The following PCDHB2 variants were observed in gnomAD, a reference collection of about 807,000 sequenced individuals.
The protein encoded by PCDHB2 is protocadherin beta-2.
For missense variants in PCDHB2, 914 were observed against 1,023.1 expected, an observed-to-expected ratio of 0.89 and a Z score of 1.45; for synonymous variants, 395 against 464.9, an observed-to-expected ratio of 0.85 and a Z score of 1.93.
In PCDHB2 at chr5:141,094,983, G is replaced by A. The variant is rs782263849; in HGVS notation, c.193G>A (p.Gly65Arg). The change falls in exon 1 of 1, where the codon GGG becomes AGG. Residue 65 changes from glycine (G) to arginine (R), a missense_variant. Coordinates refer to ENST00000194155, the MANE Select transcript of PCDHB2 (RefSeq NM_018936.4). ...GGAGATAGGAGAACTTGCTGTGAGG[G>A]GGGCCAGGGTCGTTTCCAAAGGAAA... ...GLEIGELAVR[G>R]ARVVSKGKKM... 6.2e-7 allele frequency: 1 copy of A among 1,613,692 alleles called. No individual in the cohort carries two copies. The highest frequency in any genetic ancestry group is 8.5e-7 in the Non-Finnish European group (1 of 1,179,880).
rs1554271298 is a variant in PCDHB2 at position 141,095,641 on chromosome 5, C to G, written c.851C>G (p.Ser284Cys). 6.2e-7 allele frequency: 1 copy of G among 1,614,164 alleles called. No homozygotes were observed. ...GTNGEISYAF[S>C]QASEDIRKTF... ...AATGGAGAAATATCTTATGCATTTT[C>G]CCAAGCATCTGAAGACATTCGCAAA... The change falls in exon 1 of 1, where the codon TCC becomes TGC. Residue 284 changes from serine (S) to cysteine (C), a missense_variant. Coordinates refer to ENST00000194155, the MANE Select transcript of PCDHB2 (RefSeq NM_018936.4).
rs1554271396 is a variant in PCDHB2, at chr5:141,096,120, T to C, written c.1330T>C (p.Ser444Pro). The stretch of plus-strand genomic sequence containing the variant: ...CGAGCACAACATAACCGTGCTGGTC[T>C]CCGACGTCAATGACAACGCCCCCGC... ...KTEHNITVLV[S>P]DVNDNAPAFT... The change falls in exon 1 of 1, where the codon TCC becomes CCC. Residue 444 changes from serine (S) to proline (P), a missense_variant. By Grantham distance (74) the Ser-to-Pro change is moderately conservative (BLOSUM62 -1). Transcript: ENST00000194155. 2.5e-6 allele frequency: 4 copies of C among 1,613,864 alleles called. No homozygotes were observed. The Admixed American group carries it at 6.7e-5, about 27-fold the overall frequency.
chr5:141,098,139 T>C lies in PCDHB2; in HGVS notation c.*952T>C, dbSNP rs1307233869. ...ATTTTTGTCAAAAGTCAATCATTAA[T>C]ATTCAAAAATGTAGATAAATAATAC... On this transcript the variant is annotated 3_prime_UTR_variant, in exon 1 of 1. Coordinates refer to ENST00000194155, the MANE Select transcript of PCDHB2 (RefSeq NM_018936.4). The C allele has an allele frequency of 6.6e-6, 1 of 152,250 alleles. No homozygotes were observed. Among genetic ancestry groups the C allele is most frequent in the Non-Finnish European group, 1.5e-5 (1 of 68,048 alleles). The allele number at this position is 152,250 out of a possible 1,614,324, so 9.4% of individuals were successfully genotyped here.
chr5:141,095,281 T>C lies in PCDHB2; in HGVS notation c.491T>C (p.Val164Ala), dbSNP rs781833962. 43 of 1,614,066 alleles carry C rather than the reference T, an allele frequency of 2.7e-5. No homozygotes were observed. Among genetic ancestry groups the C allele is most frequent in the Middle Eastern group, 1.6e-4 (1 of 6,084 alleles). The stretch of plus-strand genomic sequence containing the variant: ...ATAGAACGTGCCCAGGACTTGGATG[T>C]AGGAACCAACAGTCTCCAAAATTAC... ...FLIERAQDLD[V>A]GTNSLQNYTI... Residue 164 changes from valine to alanine, a missense_variant, in exon 1 of 1, where the codon GTA becomes GCA. By Grantham distance (64) the Val-to-Ala change is moderately conservative. Transcript: ENST00000194155.
At position 141,095,287 on chromosome 5, in the gene PCDHB2, C is replaced by T. The variant is rs782781766; in HGVS notation, c.497C>T (p.Thr166Ile). Residue 166 changes from threonine (T) to isoleucine (I), a missense_variant, in exon 1 of 1, where the codon ACC (threonine) becomes ATC (isoleucine). By Grantham distance (89) the Thr-to-Ile change is moderately conservative (BLOSUM62 -1). Transcript: ENST00000194155. Reference sequence around the variant, plus strand: ...CGTGCCCAGGACTTGGATGTAGGAACCAACAGTCTCCAAAATTACACAATC... The same window carrying T: ...CGTGCCCAGGACTTGGATGTAGGAATCAACAGTCTCCAAAATTACACAATC... ...IERAQDLDVG[T>I]NSLQNYTISP... 1.2e-6 allele frequency: 2 copies of T among 1,614,118 alleles called. No individual in the cohort carries two copies. The highest frequency in any genetic ancestry group is 8.5e-7 in the Non-Finnish European group (1 of 1,179,984).
At position 141,096,741 on chromosome 5, in the gene PCDHB2, G is replaced by A. The variant is rs1554271616; in HGVS notation, c.1951G>A (p.Glu651Lys). 2 of 1,610,134 alleles carry A rather than the reference G, an allele frequency of 1.2e-6. No homozygotes were observed. Among genetic ancestry groups the A allele is most frequent in the East Asian group, 4.5e-5 (2 of 44,868 alleles). ...RLVVLVKDNG[E>K]PPRSATATLH... ...GGTGGTGCTGGTCAAGGACAATGGC[G>A]AGCCTCCGCGCTCGGCCACCGCCAC... Residue 651 changes from glutamate to lysine, a missense_variant, in exon 1 of 1, where the codon GAG becomes AAG. By Grantham distance (56) the Glu-to-Lys change is moderately conservative. Coordinates refer to ENST00000194155, the MANE Select transcript of PCDHB2 (RefSeq NM_018936.4).
chr5:141,096,039 T>A lies in PCDHB2; in HGVS notation c.1249T>A (p.Ser417Thr), dbSNP rs1554271375. ...ISTALDRETR[S>T]EYNITITVTD... ...CACGGCCCTGGACCGGGAGACCAGA[T>A]CCGAATACAACATCACCATCACCGT... Residue 417 changes from serine (S) to threonine (T), a missense_variant, in exon 1 of 1, where the codon TCC becomes ACC. Transcript: ENST00000194155. 3 of 1,613,886 alleles carry A rather than the reference T, an allele frequency of 1.9e-6. No homozygotes were observed. Among genetic ancestry groups the A allele is most frequent in the Non-Finnish European group, 2.5e-6 (3 of 1,179,988 alleles).
In PCDHB2 at chr5:141,097,314, T is replaced by C. The variant is rs1334010205; in HGVS notation, c.*127T>C. The C allele has an allele frequency of 4.0e-5, 41 of 1,026,660 alleles. No homozygotes were observed. The highest frequency in any genetic ancestry group is 4.9e-5 in the Non-Finnish European group (35 of 716,442). 63.6% of individuals were successfully genotyped at this position (1,026,660 alleles called of 1,614,324 possible). A position where few individuals can be genotyped will look rare whatever the true frequency, so the allele number is the denominator to read the frequency against. On this transcript the variant is annotated 3_prime_UTR_variant, in exon 1 of 1. Transcript: ENST00000194155. ...CATCTTATTCCAATTCTATGCATGT[T>C]ACTGGTATTTATAAATGTATGAGTT...
At position 141,098,287 on chromosome 5, in the gene PCDHB2, A is replaced by G. The variant is rs377358993; in HGVS notation, c.*1100A>G. The G allele has an allele frequency of 6.6e-6, 1 of 152,100 alleles. No homozygotes were observed. Among genetic ancestry groups the G allele is most frequent in the African/African-American group, 2.4e-5 (1 of 41,384 alleles). 9.4% of individuals were successfully genotyped at this position (152,100 alleles called of 1,614,324 possible). A position where few individuals can be genotyped will look rare whatever the true frequency, so the allele number is the denominator to read the frequency against. On this transcript the variant is annotated 3_prime_UTR_variant, in exon 1 of 1. Coordinates refer to ENST00000194155, the MANE Select transcript of PCDHB2 (RefSeq NM_018936.4). ...AATCTTTTAAAATTATTAATAACCT[A>G]TTAACTTTGAGCACTTCATTAAAAT...
In PCDHB2 at chr5:141,094,724, C is replaced by T. The variant is rs1352143094; in HGVS notation, c.-67C>T. 1.6e-6 allele frequency: 2 copies of T among 1,288,020 alleles called. No individual in the cohort carries two copies. Among genetic ancestry groups the T allele is most frequent in the Admixed American group, 2.3e-5 (1 of 43,362 alleles). The allele number at this position is 1,288,020 out of a possible 1,614,324, so 79.8% of individuals were successfully genotyped here. A position where few individuals can be genotyped will look rare whatever the true frequency, so the allele number is the denominator to read the frequency against. ...CACTCATCCCAGTATCAGCGAGATA[C>T]GGGGAGATAGAGTTAGCGACAACGT... On this transcript the variant is annotated 5_prime_UTR_variant, in exon 1 of 1. The change creates a new upstream start codon in the 5' untranslated region. Coordinates refer to ENST00000194155, the MANE Select transcript of PCDHB2 (RefSeq NM_018936.4).
Position 141,097,349 on chromosome 5 carries a change from T to A in PCDHB2, c.*162T>A. ...TATAAATGTATGAGTTTTTTTGCGG[T>A]ATAATAAATGTAAATTTTCTTTGTA... On this transcript the variant is annotated 3_prime_UTR_variant, in exon 1 of 1. Coordinates refer to ENST00000194155, the MANE Select transcript of PCDHB2 (RefSeq NM_018936.4). 1 of 767,982 alleles carries A rather than the reference T, an allele frequency of 1.3e-6. No individual in the cohort carries two copies. The highest frequency in any genetic ancestry group is 2.0e-6 in the Non-Finnish European group (1 of 505,768). The allele number at this position is 767,982 out of a possible 1,614,324, so 47.6% of individuals were successfully genotyped here.
rs782601873 is a variant in PCDHB2, at chr5:141,095,758, C to G, written c.968C>G (p.Ala323Gly). The stretch of plus-strand genomic sequence containing the variant: ...CAGACATACACAGTAAATATTCAGG[C>G]GACAGATGGTGGGGGCCTATCTGGA... ...SIQTYTVNIQ[A>G]TDGGGLSGTC... The change falls in exon 1 of 1, where the codon GCG (alanine) becomes GGG (glycine). Residue 323 changes from alanine to glycine, a missense_variant. Ala to Gly is a moderately conservative substitution (Grantham distance 60, BLOSUM62 0). Transcript: ENST00000194155. 6.2e-7 allele frequency: 1 copy of G among 1,613,990 alleles called. No homozygotes were observed. Among genetic ancestry groups the G allele is most frequent in the African/African-American group, 1.3e-5 (1 of 74,900 alleles).
rs782164671 is a variant in PCDHB2, at chr5:141,095,824, A to G, written c.1034A>G (p.Asn345Ser). The G allele has an allele frequency of 3.7e-6, 6 of 1,614,092 alleles. No individual in the cohort carries two copies. Among genetic ancestry groups the G allele is most frequent in the South Asian group, 1.1e-5 (1 of 91,078 alleles). ...GTCCAAGTGATGGATTTGAATGACAATCCTCCGGAACTAACTATGTCGACA... is the reference window on the plus strand; with the variant it reads ...GTCCAAGTGATGGATTTGAATGACAGTCCTCCGGAACTAACTATGTCGACA... The part of the protein sequence containing the change: ...VFVQVMDLND[N>S]PPELTMSTLI... Residue 345 changes from asparagine to serine, a missense_variant, in exon 1 of 1, where the codon AAT becomes AGT. Physicochemically the swap from Asn to Ser is conservative, Grantham distance 46. Transcript: ENST00000194155.
At position 141,095,083 on chromosome 5, in the gene PCDHB2, G is replaced by A. The variant is rs782587892; in HGVS notation, c.293G>A (p.Cys98Tyr). 1.9e-6 allele frequency: 3 copies of A among 1,614,166 alleles called. No homozygotes were observed. Among genetic ancestry groups the A allele is most frequent in the Middle Eastern group, 1.6e-4 (1 of 6,062 alleles). Residue 98 changes from cysteine (C) to tyrosine (Y), a missense_variant, in exon 1 of 1, where the codon TGC becomes TAC. Cys to Tyr is a radical substitution (Grantham distance 194, BLOSUM62 -2). Transcript: ENST00000194155. ...GAGAAATTGGACCGGGAGGAGCTGT[G>A]CGGCCCCACAGAGCCCTGTGTCCTA... is the stretch of plus-strand genomic sequence containing the variant. ...LNEKLDREEL[C>Y]GPTEPCVLPF...
chr5:141,095,505 G>A lies in PCDHB2; in HGVS notation c.715G>A (p.Asp239Asn). The A allele has an allele frequency of 6.2e-7, 1 of 1,614,044 alleles. No homozygotes were observed. Among genetic ancestry groups the A allele is most frequent in the African/African-American group, 1.3e-5 (1 of 75,016 alleles). Reference protein sequence around the residue: ...LVRIEVVDINDNVPEFAKLLY... With the variant: ...LVRIEVVDINNNVPEFAKLLY... ...ACGGATTGAAGTTGTGGACATCAAT[G>A]ACAACGTCCCAGAGTTTGCAAAGCT... Residue 239 changes from aspartate to asparagine, a missense_variant, in exon 1 of 1, where the codon GAC (aspartate) becomes AAC (asparagine). By Grantham distance (23) the Asp-to-Asn change is conservative. Coordinates refer to ENST00000194155, the MANE Select transcript of PCDHB2 (RefSeq NM_018936.4).
At position 141,094,833 on chromosome 5, in the gene PCDHB2, C is replaced by T. The variant is rs782265550; in HGVS notation, c.43C>T (p.Gln15Ter). The T allele has an allele frequency of 1.3e-6, 2 of 1,591,772 alleles. No individual in the cohort carries two copies. The highest frequency in any genetic ancestry group is 2.7e-5 in the African/African-American group (2 of 73,784). The part of the protein sequence containing the change: ...EGKERVPKQR[Q>*]VLIFFVLLGI... ...GAAGGAGCGCGTTCCGAAACAAAGG[C>T]AAGTCCTGATATTCTTTGTTTTGCT... is the stretch of plus-strand genomic sequence containing the variant. The change falls in exon 1 of 1, where the codon CAA becomes TAA. Residue 15 changes from glutamine (Q) to a stop codon, truncating the protein, a stop_gained. Transcript: ENST00000194155. LOFTEE classifies it low-confidence loss of function (END_TRUNC).
Position 141,095,664 on chromosome 5 carries a change from A to G in PCDHB2, c.874A>G (p.Lys292Glu). 6.2e-7 allele frequency: 1 copy of G among 1,614,224 alleles called. No individual in the cohort carries two copies. Among genetic ancestry groups the G allele is most frequent in the Non-Finnish European group, 8.5e-7 (1 of 1,180,040 alleles). ...AFSQASEDIR[K>E]TFRLSAKSGE... ...TTCCCAAGCATCTGAAGACATTCGC[A>G]AAACGTTTCGATTAAGTGCAAAATC... Residue 292 changes from lysine to glutamate, a missense_variant, in exon 1 of 1, where the codon AAA becomes GAA. Physicochemically the swap from Lys to Glu is moderately conservative, Grantham distance 56. Transcript: ENST00000194155.
In PCDHB2 at chr5:141,097,239, T is replaced by A. The variant is rs368531693; in HGVS notation, c.*52T>A. 247 of 1,525,968 alleles carry A rather than the reference T, an allele frequency of 1.6e-4. No homozygotes were observed. Among genetic ancestry groups the A allele is most frequent in the Non-Finnish European group, 2.1e-4 (233 of 1,135,058 alleles). The allele number at this position is 1,525,968 out of a possible 1,614,324, so 94.5% of individuals were successfully genotyped here. ...GTCTCGTTTAATTTGTGGAAAGTCC[T>A]TTTTTACTGCTTTGCCCATTGGAGG... On this transcript the variant is annotated 3_prime_UTR_variant, in exon 1 of 1. Coordinates refer to ENST00000194155, the MANE Select transcript of PCDHB2 (RefSeq NM_018936.4).
rs1751776778 is a variant in PCDHB2 at position 141,095,177 on chromosome 5, T to C, written c.387T>C (p.Asn129=). ...FQAELRIRDV[N]DHSPVFLDKE... is the part of the protein sequence containing the mutation. ...CGGAGCTACGGATTAGGGACGTAAATGATCATTCCCCAGTTTTCCTAGACA... is the reference window on the plus strand; with the variant it reads ...CGGAGCTACGGATTAGGGACGTAAACGATCATTCCCCAGTTTTCCTAGACA... The change falls in exon 1 of 1, where the codon AAT becomes AAC. Residue 129 remains asparagine (N), a synonymous_variant. Coordinates refer to ENST00000194155, the MANE Select transcript of PCDHB2 (RefSeq NM_018936.4). The C allele has an allele frequency of 1.9e-6, 3 of 1,610,748 alleles. No individual in the cohort carries two copies. The highest frequency in any genetic ancestry group is 2.5e-6 in the Non-Finnish European group (3 of 1,178,496).
Sources: allele counts gnomAD v4.1 joint callset, GRCh38; gene constraint gnomAD v4.1.1; transcripts MANE v1.5; gene names NCBI Gene and HGNC (gene_info 2026-07-23, HGNC 2026-07-21).